Variants in WDR20 observed in about 807,000 individuals in gnomAD.
WDR20 encodes WD repeat domain 20.
A neutral mutation model predicts 38.7 loss-of-function variants in WDR20; 3 were observed. The ratio of observed to expected loss-of-function variants is 0.08; its 90% CI spans 0.04 to 0.20. WDR20 has a LOEUF of 0.20. WDR20 is among the 10% of genes least tolerant of loss of function. WDR20 has a pLI of 1.00. For missense variants in WDR20, 559 were observed against 727.7 expected (o/e 0.77, Z 2.67); for synonymous variants, 298 against 285.6 (o/e 1.04, Z -0.44).
intron 2 of WDR20, among the ~76,000 whole-genome samples, chr14:102,197,179 G>A (rs1356697072): frequency 6.6e-6 from 1 of 152,156 alleles, no homozygotes; most frequent in African/African-American, 2.4e-5. Flanking sequence ...TAAGTGAATT[G>A]TCCAGATCAG....
intron 1 of WDR20, among the ~76,000 whole-genome samples, chr14:102,173,086 A>G (rs1348480597): frequency 6.6e-6 from 1 of 151,280 alleles, no homozygotes; most frequent in Non-Finnish European, 1.5e-5. Context: ...CACTTCCTAG[A>G]TGGGATGGCC....
rs144283831 is a variant in WDR20, at chr14:102,171,116, T to A, written c.250-23822T>A. 3.4e-4 allele frequency among the ~76,000 whole-genome samples: 52 copies of A among 152,194 alleles called. 1 individual carries two copies. The East Asian group carries it at 8.5e-3, about 25-fold the overall frequency. On this transcript the variant is annotated intron_variant, in intron 1 of 2. Coordinates refer to ENST00000342702, the MANE Select transcript of WDR20 (RefSeq NM_144574.4). Reference sequence around the variant, plus strand: ...ACAGGCATGCGCCACCATGCCTGGCTAATTTTTGTATTTTTAGTAGTGACG... The same window carrying A: ...ACAGGCATGCGCCACCATGCCTGGCAAATTTTTGTATTTTTAGTAGTGACG...
At chr14:102,212,707 G>A, downstream of WDR20, 1 of 1,486,682 alleles carries the variant, frequency 6.7e-7, no homozygotes, top group Non-Finnish European at 8.9e-7. Context: ...GGTGGCCGCG[G>A]TGGTTCCTGA....
chr14:102,222,738 T>C lies in WDR20; in HGVS notation c.1693-92T>C. On this transcript the variant is annotated intron_variant, in intron 3 of 3. Coordinates refer to the WDR20 transcript ENST00000335263. This position sits in a 1 kb window ranked among gnomAD's most constrained non-coding sequence, Gnocchi z 4.4. ...GGCTTCCACATCAACAGCACCAGTT[T>C]TGACCACGTGGAGCTGCTGGCGGAG... 2 of 1,408,656 alleles carry C rather than the reference T, an allele frequency of 1.4e-6. No individual in the cohort carries two copies. Among genetic ancestry groups the C allele is most frequent in the East Asian group, 2.3e-5 (1 of 43,782 alleles). 87.3% of individuals were successfully genotyped at this position (1,408,656 alleles called of 1,614,324 possible).
intron 1 of WDR20, among the ~76,000 whole-genome samples, chr14:102,153,426 C>G (rs773346026): frequency 3.4e-4 from 51 of 151,500 alleles, no homozygotes; most frequent in Non-Finnish European, 4.9e-4. Context: ...CCTGCCTCAG[C>G]CTCTGGAGTA....
At chr14:102,201,611 T>TG (rs1268966942) in intron 2 of WDR20, among the ~76,000 whole-genome samples, 1 of 151,190 alleles carries the variant, frequency 6.6e-6, no homozygotes, top group Non-Finnish European at 1.5e-5. Context: ...GCTGGAACTA[T>TG]GGGGAGGGCC....
At chr14:102,179,439 T>C (rs1227237200) in intron 1 of WDR20, among the ~76,000 whole-genome samples, 4 of 61,012 alleles carry the variant, frequency 6.6e-5, no homozygotes, top group Non-Finnish European at 1.8e-4. Context: ...TTTTTTTTTT[T>C]CTAAAAAAAA....
chr14:102,204,402 G>A (rs1235480980), intron 2 of WDR20, among the ~76,000 whole-genome samples: 2 of 152,094 alleles, frequency 1.3e-5, no homozygotes, highest in East Asian at 1.9e-4. Flanking sequence ...TCCCCAGCAC[G>A]TTCTCTTCTC....
chr14:102,210,018 C>T lies in WDR20; in HGVS notation c.*138C>T. On this transcript the variant is annotated 3_prime_UTR_variant, in exon 3 of 3. Coordinates refer to ENST00000342702, the MANE Select transcript of WDR20 (RefSeq NM_144574.4). The stretch of plus-strand genomic sequence containing the variant: ...TGCATCAGAGCCATAATTTTGGATA[C>T]TGCATGCCATGTAATTCTGAATCAT... 4.2e-6 allele frequency: 6 copies of T among 1,439,986 alleles called. No individual in the cohort carries two copies. In the South Asian group the frequency reaches 7.7e-5, roughly 19 times the overall value. 89.2% of individuals were successfully genotyped at this position (1,439,986 alleles called of 1,614,324 possible). A position where few individuals can be genotyped will look rare whatever the true frequency, so the allele number is the denominator to read the frequency against.
intron 1 of WDR20, among the ~76,000 whole-genome samples, chr14:102,149,164 C>G (rs1461748791): frequency 1.3e-5 from 2 of 151,974 alleles, no homozygotes; most frequent in East Asian, 3.9e-4. Context: ...TCTCTCAAAA[C>G]AAAACAAACA....
At chr14:102,190,787 G>A (rs961063449) in intron 1 of WDR20, among the ~76,000 whole-genome samples, 2 of 152,056 alleles carry the variant, frequency 1.3e-5, no homozygotes, top group Non-Finnish European at 2.9e-5. Context: ...GATCACTTGA[G>A]GTCAGGAGTT....
rs1444639363 is a variant in WDR20, at chr14:102,207,658, C to G, written c.433-945C>G. Among the ~76,000 whole-genome samples, 1 of 152,148 alleles carries G rather than the reference C, an allele frequency of 6.6e-6. No individual in the cohort carries two copies. The highest frequency in any genetic ancestry group is 6.5e-5 in the Admixed American group (1 of 15,268). Reference sequence around the variant, plus strand: ...GACTTCTGGATGTGTTCTGGTGATGCGATTTTGCGCTCAGACGGTCCAGAA... The same window carrying G: ...GACTTCTGGATGTGTTCTGGTGATGGGATTTTGCGCTCAGACGGTCCAGAA... On this transcript the variant is annotated intron_variant, in intron 2 of 2. Transcript: ENST00000342702. This position sits in a 1 kb window ranked among gnomAD's most constrained non-coding sequence, Gnocchi z 5.0.
At chr14:102,161,350 G>C (rs1256852619) in intron 1 of WDR20, among the ~76,000 whole-genome samples, 2 of 145,842 alleles carry the variant, frequency 1.4e-5, no homozygotes, top group Non-Finnish European at 3.0e-5. Flanking sequence ...ATCTCTCTCT[G>C]TCACCCAGGC....
At chr14:102,141,498 T>C (rs528319473) in intron 1 of WDR20, among the ~76,000 whole-genome samples, 5 of 152,296 alleles carry the variant, frequency 3.3e-5, no homozygotes, top group East Asian at 3.9e-4. Flanking sequence ...CTTTTTTTTT[T>C]CCTCGTTTGG....
intron 2 of WDR20, among the ~76,000 whole-genome samples, chr14:102,206,894 G>A (rs957587709): frequency 1.3e-5 from 2 of 152,176 alleles, no homozygotes; most frequent in South Asian, 2.1e-4. Context: ...TCAAAAAAAA[G>A]CCCTGCTCTG....
intron 2 of WDR20, among the ~76,000 whole-genome samples, chr14:102,197,293 G>A (rs139725237): frequency 6.6e-6 from 1 of 152,190 alleles, no homozygotes; most frequent in Non-Finnish European, 1.5e-5. Flanking sequence ...GCCCTTCCGG[G>A]AGCTCACAGT....
chr14:102,152,587 G>T (rs904615189), intron 1 of WDR20, among the ~76,000 whole-genome samples: 1 of 151,686 alleles, frequency 6.6e-6, no homozygotes, highest in Non-Finnish European at 1.5e-5. Context: ...GCCAATTTTC[G>T]TATTTTTACT....
intron 1 of WDR20, among the ~76,000 whole-genome samples, chr14:102,180,588 C>G (rs1187562521): frequency 2.0e-5 from 3 of 152,202 alleles, no homozygotes; most frequent in African/African-American, 7.2e-5. Context: ...GGCAAGTACT[C>G]AGGCTTGCTG....
chr14:102,150,556 G>GT (rs1435901196), intron 1 of WDR20, among the ~76,000 whole-genome samples: 1 of 152,254 alleles, frequency 6.6e-6, no homozygotes, highest in South Asian at 2.1e-4. Context: ...CCATGAAGCT[G>GT]TTTTTTTCTT....
Sources: allele counts gnomAD v4.1 joint callset (sites outside exome capture counted in the v4.1 genomes callset), GRCh38; gene constraint gnomAD v4.1.1; non-coding constraint Gnocchi (gnomAD v3.1); transcripts MANE v1.5; gene names NCBI Gene and HGNC (gene_info 2026-07-23, HGNC 2026-07-21).